DRC11: variants seen among roughly 807,000 people sequenced by gnomAD.
The protein encoded by DRC11 is dynein regulatory complex subunit 11.
At chr2:236,307,988 C>T in the DRC11 span, among the ~76,000 whole-genome samples, 2 of 151,454 alleles carry the variant, frequency 1.3e-5, no homozygotes, top group East Asian at 3.9e-4. The surrounding 1 kb of genome is among the most constrained non-coding windows in gnomAD (Gnocchi z 7.0). Flanking sequence ...CAAGCGTCCT[C>T]GTGTGCTTGC....
the DRC11 span, among the ~76,000 whole-genome samples, chr2:236,321,716 A>G: frequency 6.6e-6 from 1 of 152,202 alleles, no homozygotes; most frequent in Non-Finnish European, 1.5e-5. Flanking sequence ...ACAGAGCAGG[A>G]GCACCGTCAT....
At chr2:236,445,091 G>A in the DRC11 span, among the ~76,000 whole-genome samples, 76 of 152,254 alleles carry the variant, frequency 5.0e-4, no homozygotes, top group Non-Finnish European at 9.6e-4. This position sits in a 1 kb window ranked among gnomAD's most constrained non-coding sequence, Gnocchi z 4.8. Flanking sequence ...TCCCACTCAC[G>A]TTATTCCTTC....
At chr2:236,459,552 C>CGT in the DRC11 span, among the ~76,000 whole-genome samples, 11,088 of 110,340 alleles carry the variant, frequency 0.1, 782 homozygotes, top group Non-Finnish European at 0.13. Context: ...TATACGTATA[C>CGT]ATGTATACGT....
chr2:236,499,983 C>T, the DRC11 span, among the ~76,000 whole-genome samples: 862 of 152,290 alleles, frequency 5.7e-3, 9 homozygotes, highest in African/African-American at 0.02. The surrounding 1 kb of genome is among the most constrained non-coding windows in gnomAD (Gnocchi z 4.7). Context: ...TCCCTACAAA[C>T]TAAGCATCAT....
At chr2:236,383,906 T>C in the DRC11 span, among the ~76,000 whole-genome samples, 13 of 149,650 alleles carry the variant, frequency 8.7e-5, no homozygotes, top group Non-Finnish European at 1.6e-4. Context: ...TGAGTGAGAA[T>C]ATGCGGTGTT....
At chr2:236,357,271 A>ATATG in the DRC11 span, among the ~76,000 whole-genome samples, 1 of 92,328 alleles carries the variant, frequency 1.1e-5, no homozygotes, top group Non-Finnish European at 2.2e-5. Context: ...TTATAAATAT[A>ATATG]CATATATTAT....
At chr2:236,456,214 C>T in the DRC11 span, among the ~76,000 whole-genome samples, 2 of 152,116 alleles carry the variant, frequency 1.3e-5, no homozygotes, top group African/African-American at 2.4e-5. The surrounding 1 kb of genome is among the most constrained non-coding windows in gnomAD (Gnocchi z 5.4). Context: ...GTTCTAAGGG[C>T]TTTATACTTA....
chr2:236,358,144 AATAG>A, the DRC11 span, among the ~76,000 whole-genome samples: 25 of 87,696 alleles, frequency 2.9e-4, no homozygotes, highest in African/African-American at 8.8e-4. Flanking sequence ...ATAATATATA[AATAG>A]ATATATACTA....
the DRC11 span, chr2:236,324,760 C>A: frequency 2.5e-6 from 4 of 1,604,878 alleles, no homozygotes; most frequent in Non-Finnish European, 3.4e-6. The surrounding 1 kb of genome is among the most constrained non-coding windows in gnomAD (Gnocchi z 5.7). Flanking sequence ...GTTTTTTACC[C>A]AGAGGAGTTT....
the DRC11 span, among the ~76,000 whole-genome samples, chr2:236,390,073 T>C: frequency 2.0e-5 from 3 of 152,322 alleles, no homozygotes; most frequent in African/African-American, 2.4e-5. This position sits in a 1 kb window ranked among gnomAD's most constrained non-coding sequence, Gnocchi z 5.9. Flanking sequence ...GAGAGTGGGA[T>C]AGTGAGTTCT....
chr2:236,369,805 G>C, the DRC11 span, among the ~76,000 whole-genome samples: 1 of 152,158 alleles, frequency 6.6e-6, no homozygotes, highest in African/African-American at 2.4e-5. The surrounding 1 kb of genome is among the most constrained non-coding windows in gnomAD (Gnocchi z 4.5). Flanking sequence ...CGTGCATTCG[G>C]AGCTCGGAAA....
chr2:236,409,641 C>T, the DRC11 span, among the ~76,000 whole-genome samples: 2 of 152,016 alleles, frequency 1.3e-5, no homozygotes, highest in Admixed American at 6.5e-5. Flanking sequence ...ACTTCCAATA[C>T]TATGTTGAAT....
At chr2:236,477,833 TG>T in the DRC11 span, among the ~76,000 whole-genome samples, 1 of 152,144 alleles carries the variant, frequency 6.6e-6, no homozygotes, top group African/African-American at 2.4e-5. Context: ...ACAGTTTTTT[TG>T]TCATAGTTTC....
the DRC11 span, among the ~76,000 whole-genome samples, chr2:236,429,752 G>A: frequency 0.2 from 30,400 of 152,052 alleles, 3,300 homozygotes; most frequent in Middle Eastern, 0.29. This position sits in a 1 kb window ranked among gnomAD's most constrained non-coding sequence, Gnocchi z 5.9. Flanking sequence ...ACTGTGGCAG[G>A]AGCAGTCATG....
At chr2:236,488,046 C>A in the DRC11 span, 1 of 1,604,642 alleles carries the variant, frequency 6.2e-7, no homozygotes, top group Non-Finnish European at 8.5e-7. Context: ...CACTTTCTTG[C>A]CAAGCATCTT....
At chr2:236,415,700 T>C in the DRC11 span, among the ~76,000 whole-genome samples, 1 of 152,202 alleles carries the variant, frequency 6.6e-6, no homozygotes, top group African/African-American at 2.4e-5. This position sits in a 1 kb window ranked among gnomAD's most constrained non-coding sequence, Gnocchi z 5.7. Flanking sequence ...TTGCTTTTTG[T>C]TCAAAACTGT....
the DRC11 span, among the ~76,000 whole-genome samples, chr2:236,358,409 A>G: frequency 7.1e-6 from 1 of 140,490 alleles, no homozygotes; most frequent in Non-Finnish European, 1.5e-5. Flanking sequence ...ATATATAAAT[A>G]TATATGATAT....
At chr2:236,435,793 G>C in the DRC11 span, among the ~76,000 whole-genome samples, 3 of 152,162 alleles carry the variant, frequency 2.0e-5, no homozygotes, top group African/African-American at 7.2e-5. Flanking sequence ...TGGTAGAGTT[G>C]AGTAGTGCCA....
At chr2:236,379,907 C>T in the DRC11 span, among the ~76,000 whole-genome samples, 2 of 151,964 alleles carry the variant, frequency 1.3e-5, no homozygotes, top group Admixed American at 1.3e-4. Flanking sequence ...GGGGAGGGAA[C>T]CCCCAACAGT....
Sources: gnomAD v4.1 joint callset for allele counts (sites outside exome capture counted in the v4.1 genomes callset) on GRCh38, gnomAD v4.1.1 for gene constraint, Gnocchi (gnomAD v3.1) non-coding constraint, MANE v1.5 for transcripts, NCBI Gene and HGNC (gene_info 2026-07-23, HGNC 2026-07-21) for gene names.